Variants in TOP1MT observed in about 807,000 individuals in gnomAD.
TOP1MT encodes DNA topoisomerase I mitochondrial, also known as DNA topoisomerase I, mitochondrial.
TOP1MT carries 80 observed loss-of-function variants against 73.9 expected under a neutral mutation model. That is an observed-to-expected ratio of 1.08 (90% CI 0.90 to 1.30). The LOEUF is 1.30. Ranked by LOEUF, TOP1MT falls within the 50% of genes most tolerant of loss-of-function variation. The pLI, the probability that TOP1MT is intolerant of heterozygous loss-of-function variation, is 0.00. For synonymous variants in TOP1MT, 338 were observed against 326.4 expected (o/e 1.04, Z -0.38); for missense variants, 815 against 808.0 (o/e 1.01, Z -0.10).
At chr8:143,342,360 C>T (rs1026998861) in intron 2 of TOP1MT, among the ~76,000 whole-genome samples, 1 of 137,462 alleles carries the variant, frequency 7.3e-6, no homozygotes, top group Non-Finnish European at 1.5e-5. Context: ...CAGAGTCTCG[C>T]TCTGTTATTA....
intron 12 of TOP1MT, among the ~76,000 whole-genome samples, chr8:143,311,117 A>ATTTTTTTTTTTTTTTTTT (rs769172231): frequency 2.8e-5 from 3 of 106,836 alleles, no homozygotes; most frequent in African/African-American, 3.9e-5. Flanking sequence ...CACGCACATG[A>ATTTTTTTTTTTTTTTTTT]TTTTTTTTTT....
intron 8 of TOP1MT, 124 bp downstream of exon 8, chr8:143,321,077 G>A: frequency 1.0e-6 from 1 of 988,976 alleles, no homozygotes; most frequent in Non-Finnish European, 1.5e-6. Context: ...GGCACAGCAG[G>A]CCTCACCCAG....
chr8:143,333,439 A>AT (rs938150017), intron 1 of TOP1MT, among the ~76,000 whole-genome samples: 3 of 152,150 alleles, frequency 2.0e-5, no homozygotes, highest in African/African-American at 7.2e-5. Context: ...ACAGGGCAAG[A>AT]TTTTGTCTCA....
At chr8:143,317,073 C>T (rs1816186392) in intron 10 of TOP1MT, among the ~76,000 whole-genome samples, 1 of 152,236 alleles carries the variant, frequency 6.6e-6, no homozygotes, top group African/African-American at 2.4e-5. Context: ...GTCAGCGCCC[C>T]TGAGCACCCA....
Position 143,321,196 on chromosome 8 carries a change from C to A in TOP1MT, c.1146+5G>T. On this transcript the variant is annotated splice_donor_5th_base_variant and intron_variant, in intron 8 of 13. Transcript: ENST00000329245. The stretch of plus-strand genomic sequence containing the variant: ...AGCGGGGGCAGCTGGCGCGAGGGCA[C>A]TCACCGGCTTCTCCACCGGCACTCT... The A allele has an allele frequency of 6.3e-7, 1 of 1,587,246 alleles. No homozygotes were observed.
chr8:143,331,792 G>A (rs1304020510), intron 1 of TOP1MT: 2 of 157,064 alleles, frequency 1.3e-5, no homozygotes, highest in African/African-American at 2.4e-5. Context: ...GTGGAAGGGG[G>A]TCCAGCAGTG....
chr8:143,329,942 TG>T (rs113536037), intron 2 of TOP1MT, among the ~76,000 whole-genome samples: 2 of 151,908 alleles, frequency 1.3e-5, no homozygotes, highest in Non-Finnish European at 2.9e-5. Context: ...GGTTTAGAGA[TG>T]GGGGGTGAGC....
chr8:143,310,516 G>A (rs1815983487), intron 12 of TOP1MT: 1 of 284,566 alleles, frequency 3.5e-6, no homozygotes, highest in Admixed American at 5.1e-5. Context: ...CAAACAGGAT[G>A]AGGGCAGCGA....
intron 1 of TOP1MT, among the ~76,000 whole-genome samples, chr8:143,351,528 C>T (rs866955779): frequency 9.4e-5 from 14 of 148,434 alleles, no homozygotes; most frequent in African/African-American, 3.5e-4. Flanking sequence ...TGTGGTGAGC[C>T]AAGATCATGC....
intron 1 of TOP1MT, among the ~76,000 whole-genome samples, chr8:143,353,115 A>G (rs1817347511): frequency 6.6e-6 from 1 of 152,192 alleles, no homozygotes. Flanking sequence ...CAAATAATCC[A>G]ATTAAAACCA....
At chr8:143,318,367 C>T (rs145810510) in intron 8 of TOP1MT, among the ~76,000 whole-genome samples, 231 of 152,314 alleles carry the variant, frequency 1.5e-3, no homozygotes, top group Non-Finnish European at 2.7e-3. Context: ...CCAGAGTCCC[C>T]GGCTCCTTCT....
intron 2 of TOP1MT, among the ~76,000 whole-genome samples, chr8:143,330,850 G>A (rs1472345865): frequency 1.3e-5 from 2 of 151,758 alleles, no homozygotes; most frequent in Non-Finnish European, 2.9e-5. Context: ...TCACAAGCTG[G>A]GGTCAAGTGA....
At chr8:143,328,090 G>A (rs968677596) in intron 3 of TOP1MT, 5 of 375,066 alleles carry the variant, frequency 1.3e-5, no homozygotes, top group Admixed American at 1.1e-4. Context: ...ACCTTCCAAA[G>A]ACATTGTTAA....
upstream of TOP1MT, among the ~76,000 whole-genome samples, chr8:143,357,149 C>T (rs1224475050): frequency 6.7e-6 from 1 of 148,578 alleles, no homozygotes; most frequent in East Asian, 2.0e-4. Context: ...CACTTGTAAT[C>T]CCAGTACTTT....
chr8:143,354,218 G>A (rs528494046), intron 1 of TOP1MT, among the ~76,000 whole-genome samples: 2 of 152,062 alleles, frequency 1.3e-5, no homozygotes, highest in South Asian at 4.2e-4. Flanking sequence ...GGGTGTTTTC[G>A]GCTGTGAAAG....
upstream of TOP1MT, chr8:143,334,968 C>T: frequency 8.6e-7 from 1 of 1,162,996 alleles, no homozygotes; most frequent in Non-Finnish European, 1.1e-6. Context: ...CCGCCCCCAG[C>T]GGCGCTCATC....
At chr8:143,349,527 C>T (rs1011507319), upstream of TOP1MT, among the ~76,000 whole-genome samples, 4 of 152,172 alleles carry the variant, frequency 2.6e-5, no homozygotes, top group Non-Finnish European at 5.9e-5. Flanking sequence ...CCAATAAACC[C>T]CCCAGCATGC....
intron 12 of TOP1MT, among the ~76,000 whole-genome samples, chr8:143,314,561 T>G (rs1586748822): frequency 7.7e-6 from 1 of 130,158 alleles, no homozygotes; most frequent in African/African-American, 3.0e-5. Flanking sequence ...GCCAGCGCAC[T>G]CCAGCCTGGC....
chr8:143,318,644 G>C (rs1350149505), intron 8 of TOP1MT, among the ~76,000 whole-genome samples: 1 of 152,142 alleles, frequency 6.6e-6, no homozygotes, highest in Admixed American at 6.5e-5. Context: ...CTGAGCGCTG[G>C]GCATCGGCTC....
Sources: allele counts gnomAD v4.1 joint callset (sites outside exome capture counted in the v4.1 genomes callset), GRCh38; gene constraint gnomAD v4.1.1; transcripts MANE v1.5; gene names NCBI Gene and HGNC (gene_info 2026-07-23, HGNC 2026-07-21).